The following FEZ2 variants were observed in gnomAD, a reference collection of about 807,000 sequenced individuals.
The protein encoded by FEZ2 is fasciculation and elongation protein zeta 2.
In FEZ2, 51 loss-of-function variants were observed where a neutral mutation model predicts 40.4. The ratio of observed to expected loss-of-function variants is 1.26; its 90% CI spans 1.01 to 1.59. The LOEUF (loss-of-function observed/expected upper bound fraction) is 1.59. Among genes scored for constraint, FEZ2 ranks in the 40% most tolerant of loss-of-function variants. The probability of loss-of-function intolerance (pLI) is 0.00; values close to 1 mark genes in which losing one functional copy is unlikely to be tolerated. For synonymous variants in FEZ2, 242 were observed against 172.0 expected, an observed-to-expected ratio of 1.41 and a Z score of -3.18; for missense variants, 640 against 438.3, an observed-to-expected ratio of 1.46 and a Z score of -4.11.
At chr2:36,571,993 C>T (rs1668428528) in intron 5 of FEZ2, among the ~76,000 whole-genome samples, 1 of 129,046 alleles carries the variant, frequency 7.7e-6, no homozygotes, top group Non-Finnish European at 1.6e-5. Context: ...CCAGCATGAG[C>T]GGCTGAGTGA....
intron 5 of FEZ2, among the ~76,000 whole-genome samples, chr2:36,576,872 C>G (rs1668587893): frequency 6.6e-6 from 1 of 152,122 alleles, no homozygotes; most frequent in African/African-American, 2.4e-5. Flanking sequence ...CCTTTAAACC[C>G]CTCTAGGGAT....
chr2:36,566,059 T>A (rs1243205505), intron 5 of FEZ2, among the ~76,000 whole-genome samples: 1 of 152,216 alleles, frequency 6.6e-6, no homozygotes, highest in Non-Finnish European at 1.5e-5. Context: ...TTCTACATCC[T>A]TAACACCCAT....
intron 1 of FEZ2, among the ~76,000 whole-genome samples, chr2:36,591,757 C>T (rs56154062): frequency 0.02 from 3,094 of 152,190 alleles, 50 homozygotes; most frequent in Non-Finnish European, 0.033. Context: ...TTGACTGAGA[C>T]TAGGGAAACA....
chr2:36,577,408 G>A (rs978995660), intron 5 of FEZ2, among the ~76,000 whole-genome samples: 1 of 152,004 alleles, frequency 6.6e-6, no homozygotes, highest in African/African-American at 2.4e-5. Context: ...CAGGCATGCA[G>A]CACCACACCC....
intron 2 of FEZ2, among the ~76,000 whole-genome samples, chr2:36,584,379 C>A (rs890051938): frequency 6.6e-6 from 1 of 152,232 alleles, no homozygotes; most frequent in South Asian, 2.1e-4. Flanking sequence ...GATTGCACCA[C>A]ATCAAGTTTG....
At chr2:36,571,906 T>G (rs887893786) in intron 5 of FEZ2, among the ~76,000 whole-genome samples, 2 of 149,548 alleles carry the variant, frequency 1.3e-5, no homozygotes, top group African/African-American at 4.9e-5. Flanking sequence ...TCCCAGCTAC[T>G]CGGGAGGCTG....
At chr2:36,558,208 A>G (rs1668002352) in intron 6 of FEZ2, 2 of 323,278 alleles carry the variant, frequency 6.2e-6, no homozygotes, top group Non-Finnish European at 1.1e-5. Context: ...TAGCTCATAA[A>G]TATTTCACAA....
intron 2 of FEZ2, among the ~76,000 whole-genome samples, chr2:36,586,610 G>C (rs1173301192): frequency 1.4e-5 from 2 of 147,490 alleles, no homozygotes; most frequent in Non-Finnish European, 3.0e-5. Flanking sequence ...CTGGACAACA[G>C]AGCCAGACCA....
chr2:36,566,806 T>G (rs747991153), intron 5 of FEZ2, among the ~76,000 whole-genome samples: 2 of 152,258 alleles, frequency 1.3e-5, no homozygotes, highest in Non-Finnish European at 2.9e-5. Flanking sequence ...TGCCAAGGCC[T>G]GTTACCTCAC....
chr2:36,574,489 T>C (rs894853745), intron 5 of FEZ2, among the ~76,000 whole-genome samples: 1 of 150,826 alleles, frequency 6.6e-6, no homozygotes, highest in Non-Finnish European at 1.5e-5. Context: ...AAACAAAAAA[T>C]TGCAGTATGA....
chr2:36,578,506 C>A (rs897095633), intron 5 of FEZ2, 91 bp downstream of exon 5: 27 of 1,340,714 alleles, frequency 2.0e-5, no homozygotes, highest in Non-Finnish European at 2.8e-5. Context: ...TGCCCATGTA[C>A]AACCTGTCGC....
chr2:36,578,565 G>A lies in FEZ2; in HGVS notation c.903+32C>T, dbSNP rs771914014. On this transcript the variant is annotated intron_variant, in intron 5 of 7. Coordinates refer to ENST00000405912, the MANE Select transcript of FEZ2 (RefSeq NM_005102.3). ...GGGACTACCACAGAACCTGTTTCCA[G>A]TGTTCGACGCCTCCTGCAAAACATC... 13 of 1,588,742 alleles carry A rather than the reference G, an allele frequency of 8.2e-6. No homozygotes were observed. The African/African-American group carries it at 1.6e-4, about 20-fold the overall frequency.
intron 5 of FEZ2, among the ~76,000 whole-genome samples, chr2:36,569,078 G>C (rs1253140149): frequency 6.6e-6 from 1 of 152,056 alleles, no homozygotes; most frequent in Non-Finnish European, 1.5e-5. Context: ...CTGGTTCTGT[G>C]AGCTAAGGTC....
intron 1 of FEZ2, among the ~76,000 whole-genome samples, chr2:36,596,752 G>A (rs1356608353): frequency 6.6e-6 from 1 of 152,150 alleles, no homozygotes; most frequent in Non-Finnish European, 1.5e-5. Flanking sequence ...ACAGGTGTGA[G>A]CCACCGCGCC....
intron 1 of FEZ2, among the ~76,000 whole-genome samples, chr2:36,596,792 C>T (rs1213365581): frequency 6.6e-6 from 1 of 152,128 alleles, no homozygotes; most frequent in Non-Finnish European, 1.5e-5. Context: ...TTACCTTCAG[C>T]CTCTCCGGAG....
intron 1 of FEZ2, among the ~76,000 whole-genome samples, chr2:36,593,132 A>G (rs549089047): frequency 1.3e-5 from 2 of 152,326 alleles, no homozygotes; most frequent in South Asian, 4.1e-4. Context: ...AGACATACCC[A>G]AGACTGGGAC....
rs547888488 is a variant in FEZ2 at position 36,556,074 on chromosome 2, G to A, written c.980-326C>T. 2.5e-4 allele frequency: 124 copies of A among 499,378 alleles called. 1 individual carries two copies. The Middle Eastern group carries it at 3.1e-3, about 12-fold the overall frequency. The allele number at this position is 499,378 out of a possible 1,614,324, so 30.9% of individuals were successfully genotyped here. On this transcript the variant is annotated intron_variant, in intron 6 of 7. Coordinates refer to ENST00000405912, the MANE Select transcript of FEZ2 (RefSeq NM_005102.3). The stretch of plus-strand genomic sequence containing the variant: ...GGAGCCTTCGCTCTGTAATAATACC[G>A]GAAAGTGGGTTACTATAATGTGCAC...
chr2:36,585,579 C>T (rs112427548), intron 2 of FEZ2, among the ~76,000 whole-genome samples: 5 of 152,110 alleles, frequency 3.3e-5, no homozygotes, highest in African/African-American at 1.2e-4. Flanking sequence ...TTCTACGGCT[C>T]TATTGAGGCT....
chr2:36,582,222 A>T (rs1223326988), intron 3 of FEZ2, among the ~76,000 whole-genome samples: 1 of 127,694 alleles, frequency 7.8e-6, no homozygotes, highest in Non-Finnish European at 1.7e-5. Context: ...AAAAGGACCT[A>T]AAGTTAAAAA....
Sources: gnomAD v4.1 joint callset for allele counts (sites outside exome capture counted in the v4.1 genomes callset) on GRCh38, gnomAD v4.1.1 for gene constraint, MANE v1.5 for transcripts, NCBI Gene and HGNC (gene_info 2026-07-23, HGNC 2026-07-21) for gene names.